The following RGS7 variants were observed in gnomAD, a reference collection of about 807,000 sequenced individuals.
RGS7 encodes regulator of G protein signaling 7, also known as regulator of G-protein signaling 7.
RGS7 carries 27 observed loss-of-function variants against 81.1 expected under a neutral mutation model. That is an observed-to-expected ratio of 0.33 (90% CI 0.25 to 0.46). RGS7 has a LOEUF of 0.46. Among genes scored for constraint, RGS7 ranks in the 20% least tolerant of loss-of-function variants. The pLI is 1.00. For missense variants in RGS7, 396 were observed against 607.4 expected (o/e 0.65, Z 3.66); for synonymous variants, 208 against 207.7 (o/e 1.00, Z -0.01).
In RGS7 at chr1:240,808,482, A is replaced by G. The variant is rs567954303; in HGVS notation, c.1083-2156T>C. ...CTATATTAACTCATTTAATTCCCAC[A>G]GTAATTCTATTAGGCAAGTTCTATT... On this transcript the variant is annotated intron_variant, in intron 14 of 18. Transcript: ENST00000440928. 7.2e-5 allele frequency among the ~76,000 whole-genome samples: 11 copies of G among 152,354 alleles called. No individual in the cohort carries two copies. The East Asian group carries it at 1.9e-3, about 27-fold the overall frequency.
At chr1:240,930,222 C>CTTTTTTTTTTTTTTTTT (rs10676730) in intron 6 of RGS7, among the ~76,000 whole-genome samples, 4 of 113,890 alleles carry the variant, frequency 3.5e-5, no homozygotes, top group African/African-American at 1.4e-4. Context: ...TCTTTTTTAG[C>CTTTTTTTTTTTTTTTTT]TTTTTTTTTT....
Position 240,933,014 on chromosome 1 carries a change from G to C in RGS7, c.334-2246C>G, listed in dbSNP as rs1675873189. On this transcript the variant is annotated intron_variant, in intron 5 of 18. Transcript: ENST00000440928. ...TTCTCCTGCCTCAGCCTCCCGAGTA[G>C]CTGGGACTACAGGCGCCCGCACCAC... 3.4e-5 allele frequency among the ~76,000 whole-genome samples: 5 copies of C among 148,320 alleles called. No individual in the cohort carries two copies. The South Asian group carries it at 1.1e-3, about 32-fold the overall frequency.
In RGS7 at chr1:240,868,086, A is replaced by G. The variant is rs1303879497; in HGVS notation, c.609+501T>C. Among the ~76,000 whole-genome samples, 1 of 150,802 alleles carries G rather than the reference A, an allele frequency of 6.6e-6. No homozygotes were observed. Among genetic ancestry groups the G allele is most frequent in the Non-Finnish European group, 1.5e-5 (1 of 67,772 alleles). ...AAAGAAGAGAAAAGAAAGAAAGAAA[A>G]AGAAAGAAAAGAAAAAGAAAGAAAA... On this transcript the variant is annotated intron_variant, in intron 9 of 18. Coordinates refer to ENST00000440928, the MANE Select transcript of RGS7 (RefSeq NM_001364886.1). The surrounding 1 kb of genome is among the most constrained non-coding windows in gnomAD (Gnocchi z 5.1).
At chr1:241,112,779 T>C (rs970960706) in intron 2 of RGS7, among the ~76,000 whole-genome samples, 13 of 152,240 alleles carry the variant, frequency 8.5e-5, no homozygotes, top group African/African-American at 2.9e-4. Context: ...GTACCCTTGC[T>C]AGTGTTGCCG....
At chr1:240,811,518 T>C (rs894963245) in intron 14 of RGS7, among the ~76,000 whole-genome samples, 4 of 152,250 alleles carry the variant, frequency 2.6e-5, no homozygotes, top group African/African-American at 7.2e-5. Context: ...TCTCTTCTTC[T>C]CTAACTTGCT....
chr1:240,936,317 C>T (rs986862215), intron 5 of RGS7, among the ~76,000 whole-genome samples: 10 of 152,194 alleles, frequency 6.6e-5, no homozygotes, highest in Non-Finnish European at 1.5e-4. Flanking sequence ...CTTCCGAATG[C>T]CATTAAGTCA....
chr1:241,232,547 T>A (rs2075725210), intron 2 of RGS7, among the ~76,000 whole-genome samples: 1 of 152,076 alleles, frequency 6.6e-6, no homozygotes, highest in South Asian at 2.1e-4. Context: ...CTGATAAATG[T>A]AGGCTGGTCA....
In RGS7 at chr1:240,848,814, G is replaced by C. The variant is rs141059356; in HGVS notation, c.609+19773C>G. Among the ~76,000 whole-genome samples the C allele has an allele frequency of 3.3e-4, 50 of 152,102 alleles. No individual in the cohort carries two copies. The East Asian group carries it at 9.5e-3, about 29-fold the overall frequency. ...TGTATAACATTTGAATGCCAAAAAG[G>C]GTTCTTTTCTGGTGCTAGACAATTG... On this transcript the variant is annotated intron_variant, in intron 9 of 18. Transcript: ENST00000440928.
At position 241,158,693 on chromosome 1, in the gene RGS7, A is replaced by G. The variant is rs533013795; in HGVS notation, c.79-59931T>C. Among the ~76,000 whole-genome samples, 183 of 152,306 alleles carry G rather than the reference A, an allele frequency of 1.2e-3. 1 individual carries two copies. The highest frequency in any genetic ancestry group is 4.2e-3 in the African/African-American group (176 of 41,570). ...TTAGATCTGCCCCAAACTCAGGTAG[A>G]AAAAGTTTCCCTGACCTTTTCCCTA... On this transcript the variant is annotated intron_variant, in intron 2 of 18. Coordinates refer to ENST00000440928, the MANE Select transcript of RGS7 (RefSeq NM_001364886.1).
intron 2 of RGS7, among the ~76,000 whole-genome samples, chr1:241,351,448 CA>C (rs2083245355): frequency 6.7e-6 from 1 of 149,554 alleles, no homozygotes; most frequent in Non-Finnish European, 1.5e-5. Context: ...TAGAATGGAG[CA>C]ATCTTAACCC....
At chr1:241,006,901 C>T (rs1438163193) in intron 3 of RGS7, among the ~76,000 whole-genome samples, 4 of 152,002 alleles carry the variant, frequency 2.6e-5, no homozygotes, top group Non-Finnish European at 4.4e-5. Context: ...AGGAAATGCA[C>T]TTTCTCTTTC....
intron 3 of RGS7, among the ~76,000 whole-genome samples, chr1:241,007,635 G>A (rs983509279): frequency 6.6e-6 from 1 of 152,288 alleles, no homozygotes; most frequent in African/African-American, 2.4e-5. Flanking sequence ...GTTTAAAAGC[G>A]TGGTATGAGT....
chr1:241,297,429 T>C (rs989965330), intron 2 of RGS7, among the ~76,000 whole-genome samples: 2 of 152,232 alleles, frequency 1.3e-5, no homozygotes, highest in African/African-American at 4.8e-5. Context: ...TGGCTTTCTT[T>C]ATATCCAGAT....
intron 2 of RGS7, among the ~76,000 whole-genome samples, chr1:241,323,529 G>A (rs917142050): frequency 1.3e-5 from 2 of 152,176 alleles, no homozygotes; most frequent in Non-Finnish European, 2.9e-5. Flanking sequence ...AGGATAAACT[G>A]GGCAATCAGA....
Position 241,074,195 on chromosome 1 carries a change from C to T in RGS7, c.175+24471G>A, listed in dbSNP as rs528478744. 8.8e-4 allele frequency among the ~76,000 whole-genome samples: 134 copies of T among 152,234 alleles called. No homozygotes were observed. In the Middle Eastern group the frequency reaches 0.017, roughly 19 times the overall value. ...TTACAGGCTTGAGCCATCATGCCCTCCTGTCTCTTAGTTTGTTTTAATTTT... is the reference window on the plus strand; with the variant it reads ...TTACAGGCTTGAGCCATCATGCCCTTCTGTCTCTTAGTTTGTTTTAATTTT... On this transcript the variant is annotated intron_variant, in intron 3 of 18. Coordinates refer to ENST00000440928, the MANE Select transcript of RGS7 (RefSeq NM_001364886.1).
At chr1:241,161,427 ATAATAATAAC>A (rs1251356430) in intron 2 of RGS7, among the ~76,000 whole-genome samples, 7 of 150,890 alleles carry the variant, frequency 4.6e-5, no homozygotes, top group Non-Finnish European at 7.4e-5. Context: ...TAACACATTA[ATAATAATAAC>A]TAATAATAAC....
At chr1:241,076,036 C>A (rs1323662266) in intron 3 of RGS7, among the ~76,000 whole-genome samples, 1 of 152,186 alleles carries the variant, frequency 6.6e-6, no homozygotes, top group East Asian at 1.9e-4. Context: ...TTTTCAGGTT[C>A]CAACTTGCGA....
chr1:241,192,735 T>C (rs2072778208), intron 2 of RGS7, among the ~76,000 whole-genome samples: 1 of 151,914 alleles, frequency 6.6e-6, no homozygotes, highest in Admixed American at 6.6e-5. Flanking sequence ...AAACAGAAAA[T>C]CAGGAGGACT....
chr1:240,955,532 G>T (rs1239750086), intron 4 of RGS7, among the ~76,000 whole-genome samples: 1 of 130,952 alleles, frequency 7.6e-6, no homozygotes, highest in East Asian at 2.2e-4. Context: ...AGCCTGGGCG[G>T]CAGAGCAAGA....
Sources: allele counts gnomAD v4.1 joint callset (sites outside exome capture counted in the v4.1 genomes callset), GRCh38; gene constraint gnomAD v4.1.1; non-coding constraint Gnocchi (gnomAD v3.1); transcripts MANE v1.5; gene names NCBI Gene and HGNC (gene_info 2026-07-23, HGNC 2026-07-21).